Variants in ARHGEF28 observed in about 807,000 individuals in gnomAD.
The protein encoded by ARHGEF28 is Rho guanine nucleotide exchange factor 28, also known as 190 kDa guanine nucleotide exchange factor.
A neutral mutation model predicts 206.6 loss-of-function variants in ARHGEF28; 152 were observed. The observed-to-expected ratio is 0.74, with a 90% CI of 0.64 to 0.84. The LOEUF (loss-of-function observed/expected upper bound fraction) is 0.84, where lower values mean the gene tolerates loss of function less well. Ranked by LOEUF, ARHGEF28 falls within the 40% of genes least tolerant of loss-of-function variation. The pLI is 0.00. For missense variants in ARHGEF28, 2,028 were observed against 2,073.2 expected (o/e 0.98, Z 0.42); for synonymous variants, 763 against 776.4 (o/e 0.98, Z 0.29).
chr5:73,723,466 G>A (rs183003185), intron 2 of ARHGEF28, among the ~76,000 whole-genome samples: 7 of 152,298 alleles, frequency 4.6e-5, no homozygotes, highest in Non-Finnish European at 2.9e-5. Flanking sequence ...GATTACAGGC[G>A]TGAGCCACCA....
At chr5:73,719,303 T>C (rs539796899) in intron 2 of ARHGEF28, among the ~76,000 whole-genome samples, 205 of 151,660 alleles carry the variant, frequency 1.4e-3, no homozygotes, top group African/African-American at 4.6e-3. Flanking sequence ...CTCAGCTACT[T>C]GGGAGGCTGA....
intron 4 of ARHGEF28, among the ~76,000 whole-genome samples, chr5:73,755,963 A>G (rs1471732425): frequency 6.6e-6 from 1 of 152,154 alleles, no homozygotes; most frequent in African/African-American, 2.4e-5. Flanking sequence ...GAAAAACTGG[A>G]GTGGTTTCTT....
chr5:73,839,157 A>T (rs986082030), intron 10 of ARHGEF28, among the ~76,000 whole-genome samples: 1 of 152,204 alleles, frequency 6.6e-6, no homozygotes, highest in Non-Finnish European at 1.5e-5. Context: ...GTTGTATCAG[A>T]AGGCATAGGA....
chr5:73,652,685 A>C (rs1012418648), intron 1 of ARHGEF28, among the ~76,000 whole-genome samples: 2 of 152,242 alleles, frequency 1.3e-5, no homozygotes, highest in Non-Finnish European at 2.9e-5. Context: ...ATAAGTACAC[A>C]GATATTTGGC....
chr5:73,893,325 G>A, intron 28 of ARHGEF28, 37 bp downstream of exon 28: 2 of 1,473,636 alleles, frequency 1.4e-6, no homozygotes, highest in Non-Finnish European at 1.8e-6. Context: ...TGGTCGTGGT[G>A]TTCTCCTGGG....
intron 2 of ARHGEF28, among the ~76,000 whole-genome samples, chr5:73,732,257 T>C (rs55899033): frequency 0.35 from 52,877 of 151,694 alleles, 10,747 homozygotes; most frequent in African/African-American, 0.57. Context: ...AACCACTGGG[T>C]TTTTAACCAT....
intron 9 of ARHGEF28, among the ~76,000 whole-genome samples, chr5:73,825,639 G>A (rs996173229): frequency 2.0e-5 from 3 of 152,214 alleles, no homozygotes; most frequent in Non-Finnish European, 4.4e-5. Context: ...AGAGACTACT[G>A]TTGTAACAGT....
chr5:73,645,920 A>C (rs1014774978), intron 1 of ARHGEF28, among the ~76,000 whole-genome samples: 1 of 151,888 alleles, frequency 6.6e-6, no homozygotes, highest in African/African-American at 2.4e-5. Context: ...GGGTAACTAC[A>C]TAAATGCCCA....
At chr5:73,721,997 G>A (rs532086741) in intron 2 of ARHGEF28, among the ~76,000 whole-genome samples, 72 of 152,206 alleles carry the variant, frequency 4.7e-4, no homozygotes, top group Non-Finnish European at 2.8e-4. Context: ...GCAGGTTTAG[G>A]CACACAATAT....
At chr5:73,715,790 A>G (rs564972632) in intron 2 of ARHGEF28, among the ~76,000 whole-genome samples, 2 of 152,266 alleles carry the variant, frequency 1.3e-5, no homozygotes, top group African/African-American at 4.8e-5. Context: ...CATTCATGGA[A>G]CTCCTAACAG....
At chr5:73,771,356 T>C (rs1270473905) in intron 4 of ARHGEF28, among the ~76,000 whole-genome samples, 5 of 152,128 alleles carry the variant, frequency 3.3e-5, no homozygotes, top group South Asian at 4.2e-4. Flanking sequence ...CAGACTGGCA[T>C]GGCCAACATG....
At chr5:73,817,277 TGCCAAAGAA>T (rs2112530604) in intron 9 of ARHGEF28, among the ~76,000 whole-genome samples, 1 of 152,346 alleles carries the variant, frequency 6.6e-6, no homozygotes, top group Non-Finnish European at 1.5e-5. Flanking sequence ...AGGCTACAAT[TGCCAAAGAA>T]GGCAATGCAT....
intron 1 of ARHGEF28, among the ~76,000 whole-genome samples, chr5:73,626,894 C>G (rs1484268253): frequency 1.3e-5 from 2 of 152,200 alleles, no homozygotes; most frequent in African/African-American, 4.8e-5. Flanking sequence ...GGACTCCTTA[C>G]GCTTATTTTA....
Position 73,846,275 on chromosome 5 carries a change from C to T in ARHGEF28, c.1435C>T (p.Leu479Phe), listed in dbSNP as rs780437862. Residue 479 changes from leucine (L) to phenylalanine (F), a missense_variant, in exon 12 of 36, where the codon CTT becomes TTT. Coordinates refer to ENST00000513042, the MANE Select transcript of ARHGEF28 (RefSeq NM_001177693.2). ...GCTGGCTTTGTGCTTTAGTTCTAGC[C>T]TTGATGCCTTGGACGCCGACAGTGA... ...QSHLKKRSSS[L>F]DALDADSEGE... 2 of 1,613,210 alleles carry T rather than the reference C, an allele frequency of 1.2e-6. No individual in the cohort carries two copies. The highest frequency in any genetic ancestry group is 1.1e-5 in the South Asian group (1 of 91,030).
At chr5:73,892,536 GC>G (rs1761709535) in intron 27 of ARHGEF28, among the ~76,000 whole-genome samples, 1 of 152,136 alleles carries the variant, frequency 6.6e-6, no homozygotes, top group Non-Finnish European at 1.5e-5. Flanking sequence ...TTTAACACCT[GC>G]TCACTAAAGC....
chr5:73,753,984 T>C (rs1268910246), intron 4 of ARHGEF28, among the ~76,000 whole-genome samples: 1 of 152,260 alleles, frequency 6.6e-6, no homozygotes, highest in African/African-American at 2.4e-5. Context: ...CTGCTTTTTA[T>C]TGGTGATTAC....
intron 35 of ARHGEF28, chr5:73,922,973 A>C (rs1285158608): frequency 1.0e-6 from 1 of 984,810 alleles, no homozygotes; most frequent in East Asian, 2.6e-5. Context: ...TTGCAAATGC[A>C]AAGTACTTTT....
chr5:73,698,279 C>T (rs1748343860), intron 2 of ARHGEF28, among the ~76,000 whole-genome samples: 1 of 152,084 alleles, frequency 6.6e-6, no homozygotes, highest in Non-Finnish European at 1.5e-5. Context: ...ATACCCCACC[C>T]CTTACCCTGC....
chr5:73,789,558 A>G (rs1164233800), intron 7 of ARHGEF28, among the ~76,000 whole-genome samples: 3 of 152,218 alleles, frequency 2.0e-5, no homozygotes, highest in African/African-American at 4.8e-5. Context: ...GGTGAATTGT[A>G]TAGTATATGA....
Sources: allele counts gnomAD v4.1 joint callset (sites outside exome capture counted in the v4.1 genomes callset), GRCh38; gene constraint gnomAD v4.1.1; transcripts MANE v1.5; gene names NCBI Gene and HGNC (gene_info 2026-07-23, HGNC 2026-07-21).